CDH20: variants seen among roughly 807,000 people sequenced by gnomAD.
CDH20 encodes cadherin 20.
Under a neutral mutation model 74.2 loss-of-function variants are expected in CDH20, and 29 were observed. The observed-to-expected ratio is 0.39, with a 90% CI of 0.29 to 0.53. The LOEUF (loss-of-function observed/expected upper bound fraction) is 0.53. CDH20 is among the 20% of genes least tolerant of loss of function. The probability of loss-of-function intolerance (pLI) is 0.69; values close to 1 mark genes in which losing one functional copy is unlikely to be tolerated. For missense variants in CDH20, 988 were observed against 1,048.3 expected, an observed-to-expected ratio of 0.94 and a Z score of 0.79; for synonymous variants, 469 against 405.4, an observed-to-expected ratio of 1.16 and a Z score of -1.88.
At chr18:61,422,271 G>T (rs1400460200) in intron 1 of CDH20, among the ~76,000 whole-genome samples, 1 of 152,092 alleles carries the variant, frequency 6.6e-6, no homozygotes, top group Admixed American at 6.5e-5. Context: ...GAAAGCAACT[G>T]GCAGTTTCCA....
chr18:61,363,388 T>C (rs1195161196), intron 1 of CDH20, among the ~76,000 whole-genome samples: 4 of 152,164 alleles, frequency 2.6e-5, no homozygotes, highest in African/African-American at 9.7e-5. Context: ...CAAGTAATAA[T>C]GTAACATGGC....
chr18:61,520,315 CA>C (rs58685164), intron 6 of CDH20, among the ~76,000 whole-genome samples: 30 of 122,056 alleles, frequency 2.5e-4, no homozygotes, highest in African/African-American at 7.6e-4. Context: ...GACTCCGTCT[CA>C]AAAAAAAAAA....
intron 1 of CDH20, among the ~76,000 whole-genome samples, chr18:61,435,368 T>C (rs1466401547): frequency 1.3e-5 from 2 of 152,104 alleles, no homozygotes; most frequent in Admixed American, 6.6e-5. Context: ...CTGCCCTTTT[T>C]CCTCCTTTCA....
intron 1 of CDH20, among the ~76,000 whole-genome samples, chr18:61,465,835 C>T (rs183813499): frequency 4.9e-4 from 75 of 151,894 alleles, no homozygotes; most frequent in Non-Finnish European, 8.5e-4. Flanking sequence ...AGGAGGTATA[C>T]TAGTCACATA....
intron 2 of CDH20, among the ~76,000 whole-genome samples, chr18:61,494,477 G>C (rs511931): frequency 1 from 152,051 of 152,316 alleles, 75,894 homozygotes; most frequent in Middle Eastern, 1. Flanking sequence ...AAGATTTTTA[G>C]CCTGCATTAG....
chr18:61,536,492 G>A lies in CDH20; in HGVS notation c.1272-1G>A. 1 of 1,613,498 alleles carries A rather than the reference G, an allele frequency of 6.2e-7. No homozygotes were observed. Among genetic ancestry groups the A allele is most frequent in the African/African-American group, 1.3e-5 (1 of 75,006 alleles). On this transcript the variant is annotated splice_acceptor_variant, in intron 7 of 11. Transcript: ENST00000262717. LOFTEE classifies it high-confidence loss of function. ...GATGTACGTAATCCATGTTTCTGCA[G>A]ATACTCCATTGATAGAAGCAGTGAC...
intron 3 of CDH20, among the ~76,000 whole-genome samples, chr18:61,500,137 A>T: frequency 7.8e-6 from 1 of 127,818 alleles, no homozygotes; most frequent in Non-Finnish European, 1.7e-5. Context: ...AAAAAAAAAA[A>T]AAAAAAAAAA....
At chr18:61,548,461 G>A (rs1416116477) in intron 10 of CDH20, among the ~76,000 whole-genome samples, 2 of 152,198 alleles carry the variant, frequency 1.3e-5, no homozygotes, top group African/African-American at 2.4e-5. Context: ...TGAAGATTGA[G>A]TGAGATACTG....
At chr18:61,399,557 A>G (rs967661027) in intron 1 of CDH20, among the ~76,000 whole-genome samples, 1 of 152,062 alleles carries the variant, frequency 6.6e-6, no homozygotes, top group Non-Finnish European at 1.5e-5. Flanking sequence ...TCATTTCCCC[A>G]CTGGAAAACA....
intron 1 of CDH20, among the ~76,000 whole-genome samples, chr18:61,367,707 T>C (rs1190845637): frequency 6.6e-6 from 1 of 152,164 alleles, no homozygotes; most frequent in Non-Finnish European, 1.5e-5. Context: ...TTCCTGGGGC[T>C]GCCTAACAAA....
At chr18:61,411,093 G>C (rs1326386195) in intron 1 of CDH20, among the ~76,000 whole-genome samples, 1 of 151,980 alleles carries the variant, frequency 6.6e-6, no homozygotes, top group East Asian at 1.9e-4. Context: ...CCAGCTACTC[G>C]GGGGGCTGAG....
chr18:61,482,026 A>C (rs1910607412), intron 1 of CDH20, among the ~76,000 whole-genome samples: 2 of 138,712 alleles, frequency 1.4e-5, no homozygotes, highest in East Asian at 2.1e-4. Context: ...AAAAAAAAAA[A>C]CCCTAGCTAA....
chr18:61,471,994 GACA>G (rs1388128079), intron 1 of CDH20, among the ~76,000 whole-genome samples: 4 of 152,166 alleles, frequency 2.6e-5, no homozygotes, highest in East Asian at 1.9e-4. Context: ...TGTCTGTGAG[GACA>G]ACATGTCCAA....
chr18:61,548,413 T>C (rs983148147), intron 10 of CDH20, among the ~76,000 whole-genome samples: 1 of 152,204 alleles, frequency 6.6e-6, no homozygotes, highest in African/African-American at 2.4e-5. Context: ...TTACTTCTAT[T>C]TCTGAAAACG....
At chr18:61,338,773 G>A (rs941927890) in intron 1 of CDH20, among the ~76,000 whole-genome samples, 1 of 152,102 alleles carries the variant, frequency 6.6e-6, no homozygotes, top group African/African-American at 2.4e-5. Context: ...TTATAAGAAT[G>A]TTTAACAATC....
chr18:61,554,181 TC>T lies in CDH20; in HGVS notation c.1901-7del. ...TCGGTAAACACACTCTCCTTTTTGT[TC>T]CTGGCAGTGCTGGTGTTGCTCATTT... On this transcript the variant is annotated splice_polypyrimidine_tract_variant and splice_region_variant and intron_variant, in intron 11 of 11. Transcript: ENST00000262717. 6.2e-7 allele frequency: 1 copy of T among 1,603,230 alleles called. No homozygotes were observed. The highest frequency in any genetic ancestry group is 1.1e-5 in the South Asian group (1 of 90,130).
chr18:61,334,184 T>G (rs1317727477), intron 1 of CDH20: 1 of 152,076 alleles, frequency 6.6e-6, no homozygotes, highest in Non-Finnish European at 1.5e-5. Context: ...TGGGGGCGCT[T>G]GGCACGGCTT....
intron 2 of CDH20, among the ~76,000 whole-genome samples, chr18:61,495,181 C>A (rs536864209): frequency 2.6e-5 from 4 of 152,296 alleles, no homozygotes; most frequent in African/African-American, 9.6e-5. Flanking sequence ...ATAGCTGGTG[C>A]GCAGTCAGTG....
intron 1 of CDH20, among the ~76,000 whole-genome samples, chr18:61,375,059 T>C (rs1911172509): frequency 6.6e-6 from 1 of 152,146 alleles, no homozygotes; most frequent in African/African-American, 2.4e-5. Context: ...AATCAAGTAA[T>C]ATATAATGTG....
Sources: gnomAD v4.1 joint callset for allele counts (sites outside exome capture counted in the v4.1 genomes callset) on GRCh38, gnomAD v4.1.1 for gene constraint, MANE v1.5 for transcripts, NCBI Gene and HGNC (gene_info 2026-07-23, HGNC 2026-07-21) for gene names.